The following KSR1 variants were observed in gnomAD, a reference collection of about 807,000 sequenced individuals.
KSR1 encodes kinase suppressor of ras 1, also known as kinase suppressor of ras.
In KSR1, 35 loss-of-function variants were observed where a neutral mutation model predicts 92.9. The ratio of observed to expected loss-of-function variants is 0.38; its 90% confidence interval spans 0.29 to 0.50. The LOEUF (loss-of-function observed/expected upper bound fraction) is 0.50, where lower values mean the gene tolerates loss of function less well. Among genes scored for constraint, KSR1 ranks in the 20% least tolerant of loss-of-function variants. KSR1 has a pLI of 0.94. For synonymous variants in KSR1, 467 were observed against 472.6 expected, an observed-to-expected ratio of 0.99 and a Z score of 0.15; for missense variants, 972 against 1,158.5, an observed-to-expected ratio of 0.84 and a Z score of 2.34.
At chr17:27,464,864 C>A (rs1040173637) in intron 1 of KSR1, among the ~76,000 whole-genome samples, 8 of 151,540 alleles carry the variant, frequency 5.3e-5, no homozygotes, top group Non-Finnish European at 1.0e-4. Flanking sequence ...CTTTTGGCTT[C>A]TCAGGGCCAC....
chr17:27,596,315 C>G (rs913865546), intron 9 of KSR1, among the ~76,000 whole-genome samples: 3 of 152,192 alleles, frequency 2.0e-5, no homozygotes, highest in Non-Finnish European at 4.4e-5. Flanking sequence ...TTCTCTCAGG[C>G]AGAGCAAGAT....
chr17:27,584,683 A>G (rs1274785227), intron 4 of KSR1, among the ~76,000 whole-genome samples: 1 of 152,204 alleles, frequency 6.6e-6, no homozygotes, highest in East Asian at 1.9e-4. Context: ...ACTGAGCCTC[A>G]GACCCTGGGA....
chr17:27,544,299 G>T (rs1349550705), intron 1 of KSR1, among the ~76,000 whole-genome samples: 1 of 152,082 alleles, frequency 6.6e-6, no homozygotes, highest in Non-Finnish European at 1.5e-5. Context: ...TTTGTTTTTT[G>T]CTTGTTCCAA....
intron 2 of KSR1, among the ~76,000 whole-genome samples, chr17:27,570,182 A>G (rs1046449617): frequency 1.4e-4 from 22 of 152,214 alleles, no homozygotes; most frequent in Non-Finnish European, 1.2e-4. Context: ...GGGTCTGGAA[A>G]GTCATATGTG....
In KSR1 at chr17:27,590,795, T is replaced by A; in HGVS notation, c.1047-16T>A. 1 of 1,604,434 alleles carries A rather than the reference T, an allele frequency of 6.2e-7. No individual in the cohort carries two copies. Among genetic ancestry groups the A allele is most frequent in the Non-Finnish European group, 8.5e-7 (1 of 1,175,678 alleles). The stretch of plus-strand genomic sequence containing the variant: ...CCCAGCTGGTGCAAACATGTGCCTG[T>A]GTCCGCCCTCTGCAGGTTCTCCACC... On this transcript the variant is annotated splice_polypyrimidine_tract_variant and intron_variant, in intron 6 of 20. Coordinates refer to ENST00000644974, the MANE Select transcript of KSR1 (RefSeq NM_001394583.1).
rs1163710428 is a variant in KSR1 at position 27,577,721 on chromosome 17, G to A, written c.520+82G>A. On this transcript the variant is annotated intron_variant, in intron 3 of 20. Coordinates refer to ENST00000644974, the MANE Select transcript of KSR1 (RefSeq NM_001394583.1). This position sits in a 1 kb window ranked among gnomAD's most constrained non-coding sequence, Gnocchi z 4.5. ...CCTTCACTATGGTGGGTGATGGAGC[G>A]GGGCAAGCGTGGCCCAGGGTTTCTG... 3.8e-5 allele frequency: 47 copies of A among 1,220,886 alleles called. No homozygotes were observed. Among genetic ancestry groups the A allele is most frequent in the Non-Finnish European group, 5.4e-5 (46 of 859,024 alleles). 75.6% of individuals were successfully genotyped at this position (1,220,886 alleles called of 1,614,324 possible). A position where few individuals can be genotyped will look rare whatever the true frequency, so the allele number is the denominator to read the frequency against.
At chr17:27,585,952 C>T (rs1250580760) in intron 5 of KSR1, 1 of 466,470 alleles carries the variant, frequency 2.1e-6, no homozygotes, top group African/African-American at 2.0e-5. Context: ...TTGCCCTTCC[C>T]CACCGAGACT....
chr17:27,604,471 A>G (rs887790292), intron 12 of KSR1, among the ~76,000 whole-genome samples: 2 of 152,164 alleles, frequency 1.3e-5, no homozygotes, highest in African/African-American at 2.4e-5. Flanking sequence ...ACCACCCTCA[A>G]GTTAGCCTAG....
At chr17:27,594,908 A>G (rs2073290477) in intron 9 of KSR1, among the ~76,000 whole-genome samples, 1 of 152,108 alleles carries the variant, frequency 6.6e-6, no homozygotes. Flanking sequence ...TGTTACCCCC[A>G]TACTATACAG....
At chr17:27,472,615 C>G (rs980366632) in intron 1 of KSR1, among the ~76,000 whole-genome samples, 9 of 152,176 alleles carry the variant, frequency 5.9e-5, no homozygotes, top group Admixed American at 1.3e-4. Context: ...CCAGCCTGGC[C>G]AACATGGTCA....
intron 11 of KSR1, among the ~76,000 whole-genome samples, chr17:27,602,116 T>G (rs1000635233): frequency 6.7e-6 from 1 of 148,428 alleles, no homozygotes; most frequent in African/African-American, 2.5e-5. Context: ...ACTGTAGCTG[T>G]TTTTTTTTTG....
intron 2 of KSR1, among the ~76,000 whole-genome samples, chr17:27,575,570 C>A (rs536624200): frequency 6.6e-6 from 1 of 152,154 alleles, no homozygotes; most frequent in Non-Finnish European, 1.5e-5. Flanking sequence ...TCTCTCTCAC[C>A]CTATGATTAA....
rs1361521842 is a variant in KSR1 at position 27,577,681 on chromosome 17, C to T, written c.520+42C>T. 2.0e-6 allele frequency: 3 copies of T among 1,467,754 alleles called. No homozygotes were observed. Among genetic ancestry groups the T allele is most frequent in the Non-Finnish European group, 2.8e-6 (3 of 1,084,270 alleles). The allele number at this position is 1,467,754 out of a possible 1,614,324, so 90.9% of individuals were successfully genotyped here. On this transcript the variant is annotated intron_variant, in intron 3 of 20. Transcript: ENST00000644974. The surrounding 1 kb of genome is among the most constrained non-coding windows in gnomAD (Gnocchi z 4.5). ...ACCCTCTCCCTTGCCTGGCCTGGTG[C>T]CCTTGGGGCTGTGGCCTTCACTATG...
At chr17:27,495,251 C>T (rs2068947367) in intron 1 of KSR1, among the ~76,000 whole-genome samples, 1 of 152,236 alleles carries the variant, frequency 6.6e-6, no homozygotes, top group African/African-American at 2.4e-5. Context: ...TCCTCCTCCC[C>T]TGAGCCCTCT....
intron 1 of KSR1, chr17:27,483,568 C>T (rs967840045): frequency 1.0e-5 from 1 of 95,948 alleles, no homozygotes; most frequent in Admixed American, 1.4e-4. Flanking sequence ...GCCTGGGCAA[C>T]AAGAGCGAAA....
At chr17:27,556,440 T>A (rs2071599196) in intron 2 of KSR1, among the ~76,000 whole-genome samples, 1 of 152,186 alleles carries the variant, frequency 6.6e-6, no homozygotes, top group Admixed American at 6.5e-5. Flanking sequence ...CAGGCTGATC[T>A]TGAACTCCTG....
intron 19 of KSR1, among the ~76,000 whole-genome samples, chr17:27,619,324 C>G (rs2074151270): frequency 6.6e-6 from 1 of 152,026 alleles, no homozygotes; most frequent in Non-Finnish European, 1.5e-5. Flanking sequence ...GTTTTTTAAC[C>G]CTTTAAAGTA....
At chr17:27,611,395 A>G in intron 17 of KSR1, 99 bp from the exon 18 acceptor site, 1 of 1,493,568 alleles carries the variant, frequency 6.7e-7, no homozygotes, top group South Asian at 1.2e-5. Context: ...AGGCTGGAGA[A>G]GGGTCCTGAT....
chr17:27,565,519 G>T (rs1220649128), intron 2 of KSR1, among the ~76,000 whole-genome samples: 2 of 152,198 alleles, frequency 1.3e-5, no homozygotes, highest in Non-Finnish European at 2.9e-5. Flanking sequence ...CCATCTTTTG[G>T]CCTCAAGCAA....
Sources: allele counts gnomAD v4.1 joint callset (sites outside exome capture counted in the v4.1 genomes callset), GRCh38; gene constraint gnomAD v4.1.1; non-coding constraint Gnocchi (gnomAD v3.1); transcripts MANE v1.5; gene names NCBI Gene and HGNC (gene_info 2026-07-23, HGNC 2026-07-21).